Variants in SRXN1 observed in about 807,000 individuals in gnomAD.
The protein encoded by SRXN1 is sulfiredoxin 1, also known as sulfiredoxin-1.
In SRXN1, 11 loss-of-function variants were observed where a neutral mutation model predicts 11.0. The ratio of observed to expected loss-of-function variants is 1.00; its 90% CI spans 0.63 to 1.65. The LOEUF (loss-of-function observed/expected upper bound fraction) is 1.65, where lower values mean the gene tolerates loss of function less well. SRXN1 is among the 40% of genes most tolerant of loss of function. SRXN1 has a pLI of 0.00. For synonymous variants in SRXN1, 106 were observed against 92.8 expected (o/e 1.14, Z -0.82); for missense variants, 211 against 194.5 (o/e 1.08, Z -0.50).
chr20:648,893 T>C lies in SRXN1; in HGVS notation c.235A>G (p.Ile79Val). Residue 79 changes from isoleucine to valine, a missense_variant, in exon 2 of 2, where the codon ATC (isoleucine) becomes GTC (valine). Transcript: ENST00000381962. ...GCCCCTTTGATCCAGAGGACATCGA[T>C]GGGGGGCACGCTGTCTGGGTCCTCC... ...IREDPDSVPP[I>V]DVLWIKGAQG... The C allele has an allele frequency of 2.5e-6, 4 of 1,614,054 alleles. No homozygotes were observed. The highest frequency in any genetic ancestry group is 3.4e-6 in the Non-Finnish European group (4 of 1,180,008).
chr20:648,651 C>A lies in SRXN1; in HGVS notation c.*63G>T, dbSNP rs1337555471. On this transcript the variant is annotated 3_prime_UTR_variant, in exon 2 of 2. Coordinates refer to ENST00000381962, the MANE Select transcript of SRXN1 (RefSeq NM_080725.3). ...CTGCTATCCCTTCTGCATGGCCCAG[C>A]CTGCTGGAGGCCAGGTGTGTCTTCT... 4 of 1,582,372 alleles carry A rather than the reference C, an allele frequency of 2.5e-6. No homozygotes were observed. Among genetic ancestry groups the A allele is most frequent in the Non-Finnish European group, 3.5e-6 (4 of 1,153,684 alleles).
intron 1 of SRXN1, among the ~76,000 whole-genome samples, chr20:651,927 G>A (rs1389258091): frequency 2.0e-5 from 3 of 152,226 alleles, no homozygotes; most frequent in Non-Finnish European, 4.4e-5. Flanking sequence ...GCCAGGCGCC[G>A]TGCTACTATT....
intron 1 of SRXN1, among the ~76,000 whole-genome samples, chr20:651,594 G>A (rs1253591094): frequency 6.6e-6 from 1 of 151,914 alleles, no homozygotes; most frequent in East Asian, 1.9e-4. Context: ...TGAGGCAGGA[G>A]AATGGCTTGA....
chr20:652,941 C>T (rs1983712168), intron 1 of SRXN1, 35 bp downstream of exon 1: 1 of 1,395,870 alleles, frequency 7.2e-7, no homozygotes, highest in South Asian at 1.6e-5. Flanking sequence ...CTCCGAAGCC[C>T]TCCCTCCGGT....
intron 1 of SRXN1, among the ~76,000 whole-genome samples, chr20:650,374 G>A (rs1983641986): frequency 6.6e-6 from 1 of 150,758 alleles, no homozygotes; most frequent in Non-Finnish European, 1.5e-5. Flanking sequence ...AAGGGGTCTG[G>A]CAGAAGGGGT....
rs1469116074 is a variant in SRXN1, at chr20:648,312, A to G, written c.*402T>C. The G allele has an allele frequency of 6.5e-6, 3 of 461,472 alleles. No homozygotes were observed. The highest frequency in any genetic ancestry group is 2.3e-5 in the Admixed American group (1 of 42,696). 28.6% of individuals were successfully genotyped at this position (461,472 alleles called of 1,614,324 possible). A position where few individuals can be genotyped will look rare whatever the true frequency, so the allele number is the denominator to read the frequency against. ...AGAATCCATGCTATGTGGAAAAACA[A>G]TCTTCTGTTTGTTTAAACCACTGCA... On this transcript the variant is annotated 3_prime_UTR_variant, in exon 2 of 2. Coordinates refer to ENST00000381962, the MANE Select transcript of SRXN1 (RefSeq NM_080725.3).
At position 648,069 on chromosome 20, in the gene SRXN1, C is replaced by T. The variant is rs1245334640; in HGVS notation, c.*645G>A. On this transcript the variant is annotated 3_prime_UTR_variant, in exon 2 of 2. Coordinates refer to ENST00000381962, the MANE Select transcript of SRXN1 (RefSeq NM_080725.3). Reference sequence around the variant, plus strand: ...GAGAGAGCAGGAAACAGACTTCTGACGAGGTTTTACTTTCTGATAGAAGGT... The same window carrying T: ...GAGAGAGCAGGAAACAGACTTCTGATGAGGTTTTACTTTCTGATAGAAGGT... The T allele has an allele frequency of 1.5e-5, 7 of 456,134 alleles. No homozygotes were observed. Among genetic ancestry groups the T allele is most frequent in the South Asian group, 6.2e-5 (4 of 64,566 alleles). 28.3% of individuals were successfully genotyped at this position (456,134 alleles called of 1,614,324 possible).
At chr20:649,473 G>A (rs1180348589) in intron 1 of SRXN1, among the ~76,000 whole-genome samples, 1 of 152,136 alleles carries the variant, frequency 6.6e-6, no homozygotes. Context: ...AGGCCGAGGC[G>A]GGTGGATCAC....
At chr20:652,123 G>A (rs191113401) in intron 1 of SRXN1, among the ~76,000 whole-genome samples, 3 of 152,330 alleles carry the variant, frequency 2.0e-5, no homozygotes, top group South Asian at 2.1e-4. Flanking sequence ...GACCAAGGGT[G>A]ATCAAGGAGG....
chr20:648,482 T>C lies in SRXN1; in HGVS notation c.*232A>G. On this transcript the variant is annotated 3_prime_UTR_variant, in exon 2 of 2. Transcript: ENST00000381962. Reference sequence around the variant, plus strand: ...CCATCTCTGTTCTCCTTCTCGGTAATGCTTCAAGGGTAAGGCCATGATCCT... The same window carrying C: ...CCATCTCTGTTCTCCTTCTCGGTAACGCTTCAAGGGTAAGGCCATGATCCT... 3.0e-6 allele frequency: 2 copies of C among 659,514 alleles called. No individual in the cohort carries two copies. The highest frequency in any genetic ancestry group is 5.8e-5 in the East Asian group (2 of 34,492). The allele number at this position is 659,514 out of a possible 1,614,324, so 40.9% of individuals were successfully genotyped here.
intron 1 of SRXN1, among the ~76,000 whole-genome samples, chr20:651,528 A>G (rs931050915): frequency 6.6e-6 from 1 of 152,136 alleles, no homozygotes; most frequent in Non-Finnish European, 1.5e-5. Flanking sequence ...TACTAAAAAT[A>G]CAAAAATTAG....
Position 648,540 on chromosome 20 carries a change from A to G in SRXN1, c.*174T>C. The G allele has an allele frequency of 1.4e-6, 1 of 709,572 alleles. No individual in the cohort carries two copies. Among genetic ancestry groups the G allele is most frequent in the Non-Finnish European group, 2.4e-6 (1 of 411,688 alleles). 44.0% of individuals were successfully genotyped at this position (709,572 alleles called of 1,614,324 possible). A position where few individuals can be genotyped will look rare whatever the true frequency, so the allele number is the denominator to read the frequency against. On this transcript the variant is annotated 3_prime_UTR_variant, in exon 2 of 2. Coordinates refer to ENST00000381962, the MANE Select transcript of SRXN1 (RefSeq NM_080725.3). ...CAGAGGTGGGAACTGGGGCTCCCAC[A>G]CTGTACAGTGAGTCCAAGGCCTTGT...
chr20:648,744 G>A lies in SRXN1; in HGVS notation c.384C>T (p.Tyr128=), dbSNP rs1435266223. The A allele has an allele frequency of 2.5e-6, 4 of 1,614,244 alleles. No homozygotes were observed. The East Asian group carries it at 8.9e-5, about 36-fold the overall frequency. The part of the protein sequence containing the change: ...VQSTLSDLRV[Y]LGASTPDLQ ...GCAAGTCTGGTGTGGATGCTCCCAGGTACACCCTTAGGTCTGAGAGAGTGG... is the reference window on the plus strand; with the variant it reads ...GCAAGTCTGGTGTGGATGCTCCCAGATACACCCTTAGGTCTGAGAGAGTGG... Residue 128 remains tyrosine (Y), a synonymous_variant, in exon 2 of 2, where the codon TAC becomes TAT. Transcript: ENST00000381962.
In SRXN1 at chr20:646,769, G is replaced by A. The variant is rs1983545194; in HGVS notation, c.*1945C>T. On this transcript the variant is annotated 3_prime_UTR_variant, in exon 2 of 2. Transcript: ENST00000381962. ...ACCATGGTACATCTGTCAAAACCAA[G>A]AGACTGAAATTGGTATATTAACTAA... The A allele has an allele frequency of 6.6e-6, 1 of 151,986 alleles. No homozygotes were observed. Among genetic ancestry groups the A allele is most frequent in the Non-Finnish European group, 1.5e-5 (1 of 68,014 alleles). The allele number at this position is 151,986 out of a possible 1,614,324, so 9.4% of individuals were successfully genotyped here. A position where few individuals can be genotyped will look rare whatever the true frequency, so the allele number is the denominator to read the frequency against.
rs764744943 is a variant in SRXN1, at chr20:647,960, CCT to C, written c.*752_*753del. On this transcript the variant is annotated 3_prime_UTR_variant, in exon 2 of 2. Coordinates refer to ENST00000381962, the MANE Select transcript of SRXN1 (RefSeq NM_080725.3). ...CTATTCAGCCATGACAATTCTGTTC[CCT>C]GCTGTCTTAGCTTTGTTTGCAGCTA... is the stretch of plus-strand genomic sequence containing the variant. The C allele has an allele frequency of 2.4e-6, 1 of 408,682 alleles. No homozygotes were observed. The highest frequency in any genetic ancestry group is 4.9e-6 in the Non-Finnish European group (1 of 202,924). 25.3% of individuals were successfully genotyped at this position (408,682 alleles called of 1,614,324 possible). A position where few individuals can be genotyped will look rare whatever the true frequency, so the allele number is the denominator to read the frequency against.
intron 1 of SRXN1, among the ~76,000 whole-genome samples, chr20:649,863 C>T (rs955268165): frequency 1.3e-5 from 2 of 152,152 alleles, no homozygotes; most frequent in Non-Finnish European, 2.9e-5. Context: ...ATAACAGATC[C>T]ATCTCATAGA....
intron 1 of SRXN1, among the ~76,000 whole-genome samples, chr20:650,477 G>A (rs1312458283): frequency 1.3e-5 from 2 of 152,192 alleles, no homozygotes; most frequent in Admixed American, 1.3e-4. Flanking sequence ...CTCTAAACAG[G>A]GAAAGTCTGG....
intron 1 of SRXN1, among the ~76,000 whole-genome samples, chr20:650,764 G>C (rs903504740): frequency 2.0e-5 from 3 of 152,222 alleles, no homozygotes; most frequent in South Asian, 4.1e-4. Context: ...TGCTGATGAA[G>C]AGTCAGTGAG....
rs1201637782 is a variant in SRXN1 at position 648,771 on chromosome 20, C to T, written c.357G>A (p.Gln119=). ...QRETIPAKLV[Q]STLSDLRVYL... Reference sequence around the variant, plus strand: ...ACACCCTTAGGTCTGAGAGAGTGGACTGGACAAGCTTGGCGGGGATGGTCT... The same window carrying T: ...ACACCCTTAGGTCTGAGAGAGTGGATTGGACAAGCTTGGCGGGGATGGTCT... The change falls in exon 2 of 2, where the codon CAG becomes CAA. Residue 119 remains glutamine, a synonymous_variant. Transcript: ENST00000381962. The T allele has an allele frequency of 3.1e-6, 5 of 1,614,230 alleles. No individual in the cohort carries two copies. Among genetic ancestry groups the T allele is most frequent in the Non-Finnish European group, 4.2e-6 (5 of 1,180,044 alleles).
Sources: gnomAD v4.1 joint callset for allele counts (sites outside exome capture counted in the v4.1 genomes callset) on GRCh38, gnomAD v4.1.1 for gene constraint, MANE v1.5 for transcripts, NCBI Gene and HGNC (gene_info 2026-07-23, HGNC 2026-07-21) for gene names.